The following GNB5 variants were observed in gnomAD, a reference collection of about 807,000 sequenced individuals.
The protein encoded by GNB5 is guanine nucleotide-binding protein subunit beta-5.
Under a neutral mutation model 55.3 loss-of-function variants are expected in GNB5, and 37 were observed. That is an observed-to-expected ratio of 0.67 (90% confidence interval 0.51 to 0.88). The LOEUF is 0.88. GNB5 is among the 40% of genes least tolerant of loss of function. The pLI, the probability that GNB5 is intolerant of heterozygous loss-of-function variation, is 0.00. For synonymous variants in GNB5, 219 were observed against 198.5 expected, an observed-to-expected ratio of 1.10 and a Z score of -0.87; for missense variants, 476 against 515.3, an observed-to-expected ratio of 0.92 and a Z score of 0.74.
At chr15:52,134,465 A>C (rs1393355610) in intron 8 of GNB5, among the ~76,000 whole-genome samples, 1 of 152,218 alleles carries the variant, frequency 6.6e-6, no homozygotes, top group Non-Finnish European at 1.5e-5. Flanking sequence ...AAAGGCCTTC[A>C]CATCTTTAGA....
chr15:52,148,196 C>A (rs748792865), intron 5 of GNB5, among the ~76,000 whole-genome samples: 1 of 152,008 alleles, frequency 6.6e-6, no homozygotes, highest in African/African-American at 2.4e-5. Flanking sequence ...CTTATTTACT[C>A]TGATTTCCAT....
At chr15:52,130,998 G>T (rs540768143) in intron 9 of GNB5, among the ~76,000 whole-genome samples, 5 of 152,274 alleles carry the variant, frequency 3.3e-5, no homozygotes, top group African/African-American at 1.2e-4. Context: ...GCTAATTTTT[G>T]TATTTTTGGT....
chr15:52,168,143 C>G (rs945318791), intron 3 of GNB5, among the ~76,000 whole-genome samples: 4 of 152,216 alleles, frequency 2.6e-5, no homozygotes, highest in African/African-American at 4.8e-5. Context: ...ACTGGAAGTT[C>G]TGGCCAGGGC....
intron 7 of GNB5, chr15:52,139,931 T>A: frequency 8.6e-6 from 11 of 1,286,264 alleles, no homozygotes; most frequent in Non-Finnish European, 8.1e-6. Context: ...GAGCCTGCCT[T>A]CATCCAGCCT....
At chr15:52,171,093 CAAAAAAAAAAA>C (rs58181494) in intron 3 of GNB5, among the ~76,000 whole-genome samples, 2 of 72,642 alleles carry the variant, frequency 2.8e-5, no homozygotes, top group East Asian at 4.3e-4. Flanking sequence ...ACTCTATCTC[CAAAAAAAAAAA>C]AAAAAAAAAA....
intron 4 of GNB5, among the ~76,000 whole-genome samples, chr15:52,152,616 T>G (rs950672163): frequency 1.3e-5 from 2 of 150,846 alleles, no homozygotes; most frequent in Non-Finnish European, 3.0e-5. Flanking sequence ...TGAGCCACCA[T>G]GCCTGGCTGA....
intron 4 of GNB5, among the ~76,000 whole-genome samples, chr15:52,152,713 C>T (rs1006910369): frequency 2.6e-5 from 4 of 151,966 alleles, no homozygotes; most frequent in Non-Finnish European, 5.9e-5. Flanking sequence ...TCACTGCAGC[C>T]TTGACCTCCT....
At chr15:52,141,063 C>G (rs767490406) in intron 7 of GNB5, 77 bp downstream of exon 7, 48 of 1,337,090 alleles carry the variant, frequency 3.6e-5, no homozygotes, top group Non-Finnish European at 5.0e-5. Flanking sequence ...AGAGAGACGC[C>G]GAAAGCTTCC....
chr15:52,163,969 C>T (rs1004300904), intron 3 of GNB5, among the ~76,000 whole-genome samples: 2 of 152,080 alleles, frequency 1.3e-5, no homozygotes, highest in Non-Finnish European at 2.9e-5. Flanking sequence ...AGTGGACCCC[C>T]AGCAAACCGC....
At position 52,126,030 on chromosome 15, in the gene GNB5, G is replaced by C; in HGVS notation, c.927C>G (p.Asp309Glu). ...GSDDATCRLY[D>E]LRADREVAIY... The stretch of plus-strand genomic sequence containing the variant: ...TGGCAACCTCCCTATCTGCCCGCAG[G>C]TCATAGAGGCGACACTGGGGAGCAA... The change falls in exon 11 of 13, where the codon GAC becomes GAG. Residue 309 changes from aspartate to glutamate, a missense_variant. Transcript: ENST00000261837. 3.2e-6 allele frequency: 5 copies of C among 1,566,618 alleles called. No homozygotes were observed. The highest frequency in any genetic ancestry group is 4.4e-6 in the Non-Finnish European group (5 of 1,139,932).
chr15:52,137,165 C>T, intron 7 of GNB5: 1 of 940,536 alleles, frequency 1.1e-6, no homozygotes, highest in South Asian at 1.7e-5. Flanking sequence ...AGTGGAGGTT[C>T]TCCCTTACTG....
At chr15:52,172,479 T>C (rs2034572481) in intron 3 of GNB5, among the ~76,000 whole-genome samples, 1 of 152,012 alleles carries the variant, frequency 6.6e-6, no homozygotes, top group African/African-American at 2.4e-5. Context: ...TTTTCCCTTA[T>C]TATAAAAAGC....
chr15:52,117,102 A>ATATATATATATTTTTTTTTTTTTT lies in GNB5; in HGVS notation c.*5654_*5655insAAAAAAAAAAAAAATATATATATA. 2 of 87,102 alleles carry ATATATATATATTTTTTTTTTTTTT rather than the reference A, an allele frequency of 2.3e-5. No individual in the cohort carries two copies. The highest frequency in any genetic ancestry group is 1.2e-4 in the African/African-American group (2 of 16,420). The allele number at this position is 87,102 out of a possible 1,614,324, so 5.4% of individuals were successfully genotyped here. A position where few individuals can be genotyped will look rare whatever the true frequency, so the allele number is the denominator to read the frequency against. ...CCACGCCCAGCTAATATATATATAT[A>ATATATATATATTTTTTTTTTTTTT]TTTTTTTTTAGTACAGACAGGGTTT... On this transcript the variant is annotated 3_prime_UTR_variant, in exon 13 of 13. Transcript: ENST00000261837.
chr15:52,127,740 C>G (rs2033464324), intron 10 of GNB5, among the ~76,000 whole-genome samples: 1 of 151,516 alleles, frequency 6.6e-6, no homozygotes, highest in Non-Finnish European at 1.5e-5. Context: ...CTATTTATGG[C>G]TCAGCAAGTT....
intron 7 of GNB5, among the ~76,000 whole-genome samples, chr15:52,136,598 G>A (rs1193742472): frequency 6.6e-6 from 1 of 152,186 alleles, no homozygotes; most frequent in African/African-American, 2.4e-5. Context: ...GACATTCTCT[G>A]TTGCTGCTTT....
At chr15:52,156,655 C>CG (rs1353020238) in intron 3 of GNB5, among the ~76,000 whole-genome samples, 1 of 152,054 alleles carries the variant, frequency 6.6e-6, no homozygotes, top group East Asian at 1.9e-4. Context: ...TGCTTGAGCC[C>CG]GGGGGCAAAG....
rs981597116 is a variant in GNB5, at chr15:52,159,806, G to C, written c.239-5730C>G. Among the ~76,000 whole-genome samples the C allele has an allele frequency of 4.6e-5, 7 of 152,272 alleles. No homozygotes were observed. The East Asian group carries it at 1.4e-3, about 29-fold the overall frequency. ...CAGTGCAGTGCGATGGTGGCTGACA[G>C]AGGCTGTCACCCAGGGTCAGGGAGC... is the stretch of plus-strand genomic sequence containing the variant. On this transcript the variant is annotated intron_variant, in intron 3 of 12. Transcript: ENST00000261837.
chr15:52,160,307 T>C (rs1566944269), intron 3 of GNB5, among the ~76,000 whole-genome samples: 1 of 152,182 alleles, frequency 6.6e-6, no homozygotes. Context: ...TGGCAGACAA[T>C]GACCCAATCC....
intron 1 of GNB5, among the ~76,000 whole-genome samples, chr15:52,187,969 AAT>A (rs2034869294): frequency 6.6e-6 from 1 of 150,826 alleles, no homozygotes; most frequent in Non-Finnish European, 1.5e-5. Context: ...AAAAATTAAA[AAT>A]AAATAAATAA....
Sources: gnomAD v4.1 joint callset for allele counts (sites outside exome capture counted in the v4.1 genomes callset) on GRCh38, gnomAD v4.1.1 for gene constraint, MANE v1.5 for transcripts, NCBI Gene and HGNC (gene_info 2026-07-23, HGNC 2026-07-21) for gene names.